Variants in SH3RF3 observed in about 807,000 individuals in gnomAD.
SH3RF3 encodes SH3 domain containing ring finger 3.
Under a neutral mutation model 66.3 loss-of-function variants are expected in SH3RF3, and 29 were observed. The ratio of observed to expected loss-of-function variants is 0.44; its 90% confidence interval spans 0.33 to 0.60. SH3RF3 has a LOEUF of 0.60. SH3RF3 is among the 20% of genes least tolerant of loss of function. The probability of loss-of-function intolerance (pLI) is 0.04; values close to 1 mark genes in which losing one functional copy is unlikely to be tolerated. For synonymous variants in SH3RF3, 583 were observed against 532.0 expected, an observed-to-expected ratio of 1.10 and a Z score of -1.32; for missense variants, 1,194 against 1,190.9, an observed-to-expected ratio of 1.00 and a Z score of -0.04.
At chr2:109,339,697 C>G (rs1682514129) in intron 1 of SH3RF3, among the ~76,000 whole-genome samples, 1 of 152,190 alleles carries the variant, frequency 6.6e-6, no homozygotes, top group African/African-American at 2.4e-5. Flanking sequence ...TCAAGTACTC[C>G]TCTAAGTACC....
chr2:109,421,906 C>T (rs150207681), intron 5 of SH3RF3, among the ~76,000 whole-genome samples: 180 of 152,274 alleles, frequency 1.2e-3, no homozygotes, highest in African/African-American at 4.0e-3. Context: ...ACATTACATA[C>T]GTTACAGCAG....
intron 1 of SH3RF3, among the ~76,000 whole-genome samples, chr2:109,171,050 C>G (rs561178077): frequency 2.6e-5 from 4 of 152,238 alleles, no homozygotes; most frequent in African/African-American, 9.6e-5. Flanking sequence ...GAGTCTGTGT[C>G]CTGGTTTGGT....
chr2:109,439,348 T>C (rs953232910), intron 7 of SH3RF3, among the ~76,000 whole-genome samples: 1 of 152,168 alleles, frequency 6.6e-6, no homozygotes, highest in African/African-American at 2.4e-5. Context: ...GGTTAAAGAA[T>C]GACTCCTACT....
chr2:109,462,765 A>C (rs1247818197), intron 8 of SH3RF3, among the ~76,000 whole-genome samples: 1 of 152,102 alleles, frequency 6.6e-6, no homozygotes, highest in African/African-American at 2.4e-5. Flanking sequence ...ACTGGAGAAA[A>C]CCCACAGGAT....
chr2:109,438,259 A>G (rs1677467458), intron 7 of SH3RF3, among the ~76,000 whole-genome samples: 1 of 152,148 alleles, frequency 6.6e-6, no homozygotes, highest in South Asian at 2.1e-4. Context: ...TGCAGGGTAG[A>G]CTTCAGGTAT....
At chr2:109,360,530 G>A (rs1404136652) in intron 2 of SH3RF3, among the ~76,000 whole-genome samples, 2 of 152,166 alleles carry the variant, frequency 1.3e-5, no homozygotes, top group Non-Finnish European at 2.9e-5. Flanking sequence ...CCATACCCAA[G>A]ATATCTCATT....
chr2:109,424,077 G>A (rs1573240220), intron 5 of SH3RF3, among the ~76,000 whole-genome samples: 1 of 152,316 alleles, frequency 6.6e-6, no homozygotes, highest in East Asian at 1.9e-4. Context: ...ACCGGTACCG[G>A]CATTGTCTAG....
intron 1 of SH3RF3, among the ~76,000 whole-genome samples, chr2:109,236,467 T>G (rs368819358): frequency 6.6e-6 from 1 of 152,162 alleles, no homozygotes; most frequent in African/African-American, 2.4e-5. Flanking sequence ...TGAGCCGTGT[T>G]TTTTAGGAAT....
chr2:109,384,842 G>A (rs971929352), intron 3 of SH3RF3, among the ~76,000 whole-genome samples: 4 of 152,210 alleles, frequency 2.6e-5, no homozygotes, highest in Non-Finnish European at 4.4e-5. Context: ...ACTCCAACCC[G>A]ATGGTTCCCA....
chr2:109,129,422 G>T lies in SH3RF3; in HGVS notation c.-119G>T. The T allele has an allele frequency of 6.8e-7, 1 of 1,465,504 alleles. No individual in the cohort carries two copies. Among genetic ancestry groups the T allele is most frequent in the African/African-American group, 1.5e-5 (1 of 68,496 alleles). The allele number at this position is 1,465,504 out of a possible 1,614,324, so 90.8% of individuals were successfully genotyped here. On this transcript the variant is annotated 5_prime_UTR_variant, in exon 1 of 10. Transcript: ENST00000309415. Reference sequence around the variant, plus strand: ...GCCCTAGCATCGGGCCACCAGCCGGGGTGAAGAAAGTCACGGCGGAGCCCG... The same window carrying T: ...GCCCTAGCATCGGGCCACCAGCCGGTGTGAAGAAAGTCACGGCGGAGCCCG...
chr2:109,338,714 C>T (rs1042396969), intron 1 of SH3RF3, among the ~76,000 whole-genome samples: 9 of 152,170 alleles, frequency 5.9e-5, no homozygotes, highest in East Asian at 1.9e-4. Context: ...TGCGCCACCA[C>T]GCCCGACTAA....
chr2:109,453,214 T>C (rs568591336), intron 8 of SH3RF3, among the ~76,000 whole-genome samples: 23 of 152,286 alleles, frequency 1.5e-4, no homozygotes, highest in Non-Finnish European at 3.2e-4. Flanking sequence ...CAGGAACCTC[T>C]CCAGCCTACT....
intron 4 of SH3RF3, among the ~76,000 whole-genome samples, chr2:109,415,563 C>T (rs13429024): frequency 0.034 from 5,218 of 152,194 alleles, 172 homozygotes; most frequent in African/African-American, 0.088. Flanking sequence ...TGGGCTCCCT[C>T]GCACTTCCTG....
chr2:109,479,509 G>C (rs898757079), intron 8 of SH3RF3, among the ~76,000 whole-genome samples: 3 of 152,090 alleles, frequency 2.0e-5, no homozygotes, highest in Admixed American at 6.5e-5. Context: ...AAGTTCCACC[G>C]TATCTGTTCT....
intron 8 of SH3RF3, among the ~76,000 whole-genome samples, chr2:109,484,928 T>C (rs1220627832): frequency 6.6e-6 from 1 of 152,214 alleles, no homozygotes; most frequent in Non-Finnish European, 1.5e-5. Flanking sequence ...AACATCTTTG[T>C]GTGTACCTGG....
At chr2:109,345,154 C>T (rs1334182896) in intron 1 of SH3RF3, among the ~76,000 whole-genome samples, 1 of 152,186 alleles carries the variant, frequency 6.6e-6, no homozygotes, top group Admixed American at 6.5e-5. Flanking sequence ...TGGAAGATGC[C>T]TCAGTCTCTC....
intron 3 of SH3RF3, among the ~76,000 whole-genome samples, chr2:109,388,106 C>A (rs1675874049): frequency 6.6e-6 from 1 of 152,216 alleles, no homozygotes; most frequent in Non-Finnish European, 1.5e-5. Context: ...CACACATTCA[C>A]CATCCTACGC....
intron 4 of SH3RF3, among the ~76,000 whole-genome samples, chr2:109,415,398 G>C (rs553005165): frequency 7.4e-4 from 112 of 152,298 alleles, no homozygotes; most frequent in Admixed American, 2.2e-3. Flanking sequence ...ATTGTTCCAG[G>C]GGGAGTGCTC....
intron 1 of SH3RF3, among the ~76,000 whole-genome samples, chr2:109,232,708 AGCATCAT>A (rs1679542352): frequency 6.6e-6 from 1 of 152,204 alleles, no homozygotes; most frequent in Non-Finnish European, 1.5e-5. Context: ...GTGGATAGGA[AGCATCAT>A]GGTGATGGAA....
Sources: gnomAD v4.1 joint callset for allele counts (sites outside exome capture counted in the v4.1 genomes callset) on GRCh38, gnomAD v4.1.1 for gene constraint, MANE v1.5 for transcripts, NCBI Gene and HGNC (gene_info 2026-07-23, HGNC 2026-07-21) for gene names.